The following GPD1L variants were observed in gnomAD, a reference collection of about 807,000 sequenced individuals.
GPD1L encodes glycerol-3-phosphate dehydrogenase 1 like.
GPD1L carries 17 observed loss-of-function variants against 32.9 expected under a neutral mutation model. That is an observed-to-expected ratio of 0.52 (90% CI 0.35 to 0.78). The LOEUF (loss-of-function observed/expected upper bound fraction) is 0.78, where lower values mean the gene tolerates loss of function less well. Ranked by LOEUF, GPD1L falls within the 30% of genes least tolerant of loss-of-function variation. GPD1L has a pLI of 0.01. For missense variants in GPD1L, 361 were observed against 447.8 expected, an observed-to-expected ratio of 0.81 and a Z score of 1.75; for synonymous variants, 187 against 165.9, an observed-to-expected ratio of 1.13 and a Z score of -0.98.
intron 1 of GPD1L, among the ~76,000 whole-genome samples, chr3:32,120,280 T>C (rs541553501): frequency 6.6e-6 from 1 of 151,788 alleles, no homozygotes; most frequent in East Asian, 1.9e-4. Flanking sequence ...ATCGCACCAC[T>C]GTACTCCAGC....
At chr3:32,149,573 G>A (rs916772553) in intron 5 of GPD1L, among the ~76,000 whole-genome samples, 4 of 152,072 alleles carry the variant, frequency 2.6e-5, no homozygotes, top group Admixed American at 1.3e-4. Context: ...TACTACCTTC[G>A]GAATGTCCTT....
chr3:32,162,575 C>G (rs1278163001), intron 7 of GPD1L, among the ~76,000 whole-genome samples: 1 of 62,844 alleles, frequency 1.6e-5, no homozygotes, highest in Non-Finnish European at 2.8e-5. Context: ...TTAGTAGAGA[C>G]GGGGTTTCAC....
intron 2 of GPD1L, among the ~76,000 whole-genome samples, chr3:32,135,215 T>C (rs955114002): frequency 6.6e-6 from 1 of 152,134 alleles, no homozygotes; most frequent in African/African-American, 2.4e-5. Context: ...TCCAGAGGAA[T>C]AGGTTTTAAT....
intron 1 of GPD1L, among the ~76,000 whole-genome samples, chr3:32,122,320 G>T (rs191989615): frequency 6.6e-6 from 1 of 152,174 alleles, no homozygotes; most frequent in Non-Finnish European, 1.5e-5. Context: ...ATTGCTAACC[G>T]TAGATGGACA....
At chr3:32,126,948 C>G (rs1216941859) in intron 1 of GPD1L, among the ~76,000 whole-genome samples, 1 of 152,156 alleles carries the variant, frequency 6.6e-6, no homozygotes. Context: ...TTTATCCCTT[C>G]TATGTCAGGA....
At chr3:32,131,306 C>T (rs1157743665) in intron 2 of GPD1L, among the ~76,000 whole-genome samples, 2 of 152,090 alleles carry the variant, frequency 1.3e-5, no homozygotes, top group Non-Finnish European at 1.5e-5. Flanking sequence ...TGGCTTTTTT[C>T]GTATATTTAC....
At chr3:32,156,168 A>G (rs1055669366) in intron 5 of GPD1L, among the ~76,000 whole-genome samples, 2 of 152,134 alleles carry the variant, frequency 1.3e-5, no homozygotes, top group African/African-American at 2.4e-5. Context: ...TGCCTCTTCC[A>G]TGATGCTGCC....
chr3:32,159,299 C>A (rs182147470), intron 6 of GPD1L, among the ~76,000 whole-genome samples, 190 bp downstream of exon 6: 8 of 152,140 alleles, frequency 5.3e-5, no homozygotes, highest in Non-Finnish European at 1.2e-4. Context: ...TGGCTTCCAG[C>A]AGGGGACTGA....
At chr3:32,159,534 A>C (rs761124110) in intron 6 of GPD1L, 34 bp from the exon 7 acceptor site, 2 of 1,185,880 alleles carry the variant, frequency 1.7e-6, no homozygotes, top group South Asian at 2.5e-5. Flanking sequence ...TCTTTACCAT[A>C]GTTTTTTTAA....
intron 5 of GPD1L, among the ~76,000 whole-genome samples, chr3:32,152,515 C>A (rs573375294): frequency 2.0e-5 from 3 of 152,154 alleles, no homozygotes; most frequent in African/African-American, 7.2e-5. Flanking sequence ...TGAATGCTGC[C>A]GGAGGGGAGG....
In GPD1L at chr3:32,109,515, A is replaced by G. The variant is rs146344292; in HGVS notation, c.47+2757A>G. Among the ~76,000 whole-genome samples the G allele has an allele frequency of 2.1e-3, 318 of 152,306 alleles. 1 individual carries two copies. The highest frequency in any genetic ancestry group is 7.4e-3 in the African/African-American group (306 of 41,564). On this transcript the variant is annotated intron_variant, in intron 1 of 7. Coordinates refer to ENST00000282541, the MANE Select transcript of GPD1L (RefSeq NM_015141.4). ...GATACTGAAGCAGAGCAATTGAGAA[A>G]TGTGCTGATGGTTTGGGCTGGCTGC... is the stretch of plus-strand genomic sequence containing the variant.
At chr3:32,165,356 G>A (rs1701131550) in intron 7 of GPD1L, among the ~76,000 whole-genome samples, 1 of 90,946 alleles carries the variant, frequency 1.1e-5, no homozygotes, top group Non-Finnish European at 2.1e-5. Flanking sequence ...TCCTCACTCG[G>A]ATTCTTGCGG....
intron 1 of GPD1L, among the ~76,000 whole-genome samples, chr3:32,115,654 C>T (rs1169997503): frequency 6.6e-6 from 1 of 151,916 alleles, no homozygotes; most frequent in Non-Finnish European, 1.5e-5. Context: ...TAACACTGGC[C>T]ATCTGGACAG....
intron 4 of GPD1L, among the ~76,000 whole-genome samples, chr3:32,146,089 T>C (rs745785531): frequency 0.025 from 1,280 of 51,978 alleles, 7 homozygotes; most frequent in South Asian, 0.083. Context: ...TTTTCTTTTT[T>C]TTTTTTTTTT....
intron 1 of GPD1L, among the ~76,000 whole-genome samples, chr3:32,109,552 A>G (rs984436520): frequency 1.3e-5 from 2 of 152,186 alleles, no homozygotes; most frequent in African/African-American, 4.8e-5. Context: ...TGGCTTCATT[A>G]ATTATGGGAT....
At chr3:32,144,857 C>G (rs574925183) in intron 4 of GPD1L, among the ~76,000 whole-genome samples, 2 of 150,722 alleles carry the variant, frequency 1.3e-5, no homozygotes, top group Non-Finnish European at 2.9e-5. Context: ...ACACACACCA[C>G]CACGCCAGGC....
chr3:32,122,754 C>T (rs1457849739), intron 1 of GPD1L, among the ~76,000 whole-genome samples: 1 of 152,190 alleles, frequency 6.6e-6, no homozygotes, highest in Non-Finnish European at 1.5e-5. Flanking sequence ...GCAAGGTGAA[C>T]ATGACTGAGT....
intron 7 of GPD1L, among the ~76,000 whole-genome samples, chr3:32,162,063 G>A (rs72852109): frequency 0.054 from 8,267 of 152,240 alleles, 739 homozygotes; most frequent in African/African-American, 0.19. Flanking sequence ...TAGCAGGAGG[G>A]CAGCATTCAA....
At chr3:32,135,109 G>GT (rs1700645218) in intron 2 of GPD1L, among the ~76,000 whole-genome samples, 1 of 152,186 alleles carries the variant, frequency 6.6e-6, no homozygotes, top group African/African-American at 2.4e-5. Context: ...TGGTTCTGGT[G>GT]TTTTTTCCAC....
Sources: gnomAD v4.1 joint callset for allele counts (sites outside exome capture counted in the v4.1 genomes callset) on GRCh38, gnomAD v4.1.1 for gene constraint, MANE v1.5 for transcripts, NCBI Gene and HGNC (gene_info 2026-07-23, HGNC 2026-07-21) for gene names.